The following DNAI4 variants were observed in gnomAD, a reference collection of about 807,000 sequenced individuals.
DNAI4 encodes the protein WD repeat domain 78.
A neutral mutation model predicts 105.8 loss-of-function variants in DNAI4; 85 were observed. The observed-to-expected ratio is 0.80, with a 90% CI of 0.67 to 0.96. DNAI4 has a LOEUF of 0.96. Among genes scored for constraint, DNAI4 ranks in the 40% least tolerant of loss-of-function variants. The pLI is 0.00. For synonymous variants in DNAI4, 352 were observed against 331.5 expected (o/e 1.06, Z -0.67); for missense variants, 1,014 against 1,005.6 (o/e 1.01, Z -0.11).
At chr1:66,899,360 T>C (rs866660165) in intron 2 of DNAI4, among the ~76,000 whole-genome samples, 27 of 152,218 alleles carry the variant, frequency 1.8e-4, no homozygotes, top group Non-Finnish European at 2.6e-4. Flanking sequence ...ACGTCCACCA[T>C]ATTTTCATAT....
At chr1:66,911,734 A>G (rs1444230531) in intron 1 of DNAI4, among the ~76,000 whole-genome samples, 1 of 152,228 alleles carries the variant, frequency 6.6e-6, no homozygotes, top group Non-Finnish European at 1.5e-5. Flanking sequence ...CCAACTCAAA[A>G]TATTGCCTTA....
chr1:66,828,041 C>T (rs143322553), intron 13 of DNAI4, 131 bp from the exon 14 acceptor site: 80 of 498,762 alleles, frequency 1.6e-4, no homozygotes, highest in African/African-American at 1.4e-3. Flanking sequence ...CTTGAATATA[C>T]CAATCTTGTC....
chr1:66,851,128 T>C (rs1646388002), intron 7 of DNAI4, among the ~76,000 whole-genome samples: 2 of 151,784 alleles, frequency 1.3e-5, no homozygotes, highest in African/African-American at 4.8e-5. Context: ...ACAATGTAGA[T>C]AGGTTGAAAG....
chr1:66,914,518 T>C (rs774767224), intron 1 of DNAI4, among the ~76,000 whole-genome samples: 8 of 152,232 alleles, frequency 5.3e-5, no homozygotes, highest in Non-Finnish European at 1.0e-4. Flanking sequence ...TTATGTTTAA[T>C]GGCAATTAAA....
chr1:66,886,207 ATC>A (rs1247856153), intron 4 of DNAI4, among the ~76,000 whole-genome samples: 1 of 152,034 alleles, frequency 6.6e-6, no homozygotes, highest in Non-Finnish European at 1.5e-5. Flanking sequence ...TATAATTTTC[ATC>A]TCTCTGCTGA....
intron 1 of DNAI4, among the ~76,000 whole-genome samples, chr1:66,912,398 G>C (rs558901450): frequency 6.6e-6 from 1 of 151,972 alleles, no homozygotes; most frequent in Admixed American, 6.6e-5. Flanking sequence ...GAATCTGGGA[G>C]GTAGAGGCTA....
At chr1:66,836,140 A>AAAAG (rs1165479234) in intron 10 of DNAI4, among the ~76,000 whole-genome samples, 21 of 96,056 alleles carry the variant, frequency 2.2e-4, no homozygotes, top group Middle Eastern at 5.0e-3. Flanking sequence ...AGAAAGAAAG[A>AAAAG]AAAGAAAGAA....
chr1:66,821,619 G>T (rs562372), intron 16 of DNAI4, among the ~76,000 whole-genome samples: 54,363 of 151,936 alleles, frequency 0.36, 10,001 homozygotes, highest in East Asian at 0.58. Context: ...TATTAGTGAG[G>T]TTGGATTTTA....
At position 66,877,824 on chromosome 1, in the gene DNAI4, GTCCTTCAAT is replaced by G. The variant is rs544025149; in HGVS notation, c.644-2896_644-2888del. ...GCAGCAGTCATGTATTTTGTAGAAT[GTCCTTCAAT>G]TTGTGATTTTCTGATGTTAAACAAG... On this transcript the variant is annotated intron_variant, in intron 4 of 16. Transcript: ENST00000371026. 1.8e-3 allele frequency among the ~76,000 whole-genome samples: 277 copies of G among 152,236 alleles called. 1 individual carries two copies. The highest frequency in any genetic ancestry group is 6.6e-3 in the African/African-American group (274 of 41,562).
At chr1:66,833,454 A>T in intron 13 of DNAI4, 131 bp downstream of exon 13, 1 of 1,057,012 alleles carries the variant, frequency 9.5e-7, no homozygotes. Flanking sequence ...TCATTTATCT[A>T]CTTTCTGTCT....
In DNAI4 at chr1:66,814,083, A is replaced by G; in HGVS notation, c.*47T>C. ...TATGTAATACAGAATATTGGATGTTAATTCCTTTTTTAAAACAACTACAAG... is the reference window on the plus strand; with the variant it reads ...TATGTAATACAGAATATTGGATGTTGATTCCTTTTTTAAAACAACTACAAG... On this transcript the variant is annotated 3_prime_UTR_variant, in exon 17 of 17. Coordinates refer to ENST00000371026, the MANE Select transcript of DNAI4 (RefSeq NM_024763.5). 1 of 1,498,500 alleles carries G rather than the reference A, an allele frequency of 6.7e-7. No individual in the cohort carries two copies. Among genetic ancestry groups the G allele is most frequent in the South Asian group, 1.2e-5 (1 of 83,026 alleles). The allele number at this position is 1,498,500 out of a possible 1,614,324, so 92.8% of individuals were successfully genotyped here. A position where few individuals can be genotyped will look rare whatever the true frequency, so the allele number is the denominator to read the frequency against.
At chr1:66,818,540 A>G (rs1037233385) in intron 16 of DNAI4, among the ~76,000 whole-genome samples, 2 of 152,232 alleles carry the variant, frequency 1.3e-5, no homozygotes, top group African/African-American at 4.8e-5. Context: ...TAAATCTTAT[A>G]TCATTTGAAT....
At chr1:66,900,971 A>C (rs567722216) in intron 2 of DNAI4, among the ~76,000 whole-genome samples, 1 of 152,310 alleles carries the variant, frequency 6.6e-6, no homozygotes, top group Admixed American at 6.5e-5. Context: ...CCTGATCATA[A>C]GGAGATTAAG....
rs1199124085 is a variant in DNAI4 at position 66,890,782 on chromosome 1, G to A, written c.643+372C>T. ...AGGAGGAAGAGGAAGAAGAGGAAGA[G>A]GAGGAAGAAGAAGTGAGGAAGAAGA... On this transcript the variant is annotated intron_variant, in intron 4 of 16. Coordinates refer to ENST00000371026, the MANE Select transcript of DNAI4 (RefSeq NM_024763.5). The surrounding 1 kb of genome is among the most constrained non-coding windows in gnomAD (Gnocchi z 4.1). 2.9e-5 allele frequency: 8 copies of A among 279,514 alleles called. No homozygotes were observed. The highest frequency in any genetic ancestry group is 5.2e-5 in the Admixed American group (1 of 19,208). The allele number at this position is 279,514 out of a possible 1,614,324, so 17.3% of individuals were successfully genotyped here. A position where few individuals can be genotyped will look rare whatever the true frequency, so the allele number is the denominator to read the frequency against.
chr1:66,891,336 G>T, intron 3 of DNAI4, 70 bp from the exon 4 acceptor site: 2 of 1,039,246 alleles, frequency 1.9e-6, no homozygotes, highest in Non-Finnish European at 2.9e-6. Flanking sequence ...ATACAAATTA[G>T]AACATATTAT....
Position 66,862,314 on chromosome 1 carries a change from C to T in DNAI4, c.941-12G>A, listed in dbSNP as rs763460741. On this transcript the variant is annotated splice_polypyrimidine_tract_variant and intron_variant, in intron 6 of 16. Transcript: ENST00000371026. ...AGTGGACATTATGCCTAGATAAAGA[C>T]ACAGAAAGGTAAAAATTGTTTTAAA... 8 of 1,598,486 alleles carry T rather than the reference C, an allele frequency of 5.0e-6. No homozygotes were observed.
At chr1:66,847,355 A>T (rs1460077572) in intron 8 of DNAI4, 129 bp downstream of exon 8, 3 of 802,770 alleles carry the variant, frequency 3.7e-6, no homozygotes, top group Non-Finnish European at 3.9e-6. Context: ...GTGCAGTGGC[A>T]TGATCATAGC....
intron 1 of DNAI4, among the ~76,000 whole-genome samples, chr1:66,918,520 G>GTATTTA (rs1650238332): frequency 2.0e-5 from 3 of 150,688 alleles, no homozygotes; most frequent in Non-Finnish European, 4.4e-5. Flanking sequence ...AAAATAAACA[G>GTATTTA]CAACCTATTT....
intron 5 of DNAI4, among the ~76,000 whole-genome samples, chr1:66,872,978 G>T (rs1200253123): frequency 2.0e-5 from 3 of 152,124 alleles, no homozygotes; most frequent in Admixed American, 2.0e-4. Context: ...CTCCCAAAGT[G>T]CTGGGATTAA....
Sources: allele counts gnomAD v4.1 joint callset (sites outside exome capture counted in the v4.1 genomes callset), GRCh38; gene constraint gnomAD v4.1.1; non-coding constraint Gnocchi (gnomAD v3.1); transcripts MANE v1.5; gene names NCBI Gene and HGNC (gene_info 2026-07-23, HGNC 2026-07-21).